DDB1: variants seen among roughly 807,000 people sequenced by gnomAD.
The protein encoded by DDB1 is DNA damage-binding protein 1.
Under a neutral mutation model 133.1 loss-of-function variants are expected in DDB1, and 18 were observed. That is an observed-to-expected ratio of 0.14 (90% CI 0.09 to 0.20). DDB1 has a LOEUF of 0.20. Among genes scored for constraint, DDB1 ranks in the 10% least tolerant of loss-of-function variants. DDB1 has a pLI of 1.00. For missense variants in DDB1, 828 were observed against 1,459.2 expected (o/e 0.57, Z 7.05); for synonymous variants, 580 against 550.5 (o/e 1.05, Z -0.75).
At chr11:61,322,710 G>C (rs573401343) in intron 8 of DDB1, 12 of 535,828 alleles carry the variant, frequency 2.2e-5, no homozygotes, top group Non-Finnish European at 3.0e-5. Flanking sequence ...GAGAAGGTCC[G>C]AAGTTTTCAT....
chr11:61,325,791 C>T (rs1246668771), intron 5 of DDB1, 83 bp from the exon 6 acceptor site: 2 of 1,075,614 alleles, frequency 1.9e-6, no homozygotes, highest in East Asian at 2.5e-5. Flanking sequence ...GTCTAGTTAG[C>T]CCCAAGGCAA....
chr11:61,313,668 G>A lies in DDB1; in HGVS notation c.1900C>T (p.Gln634Ter). 1.2e-6 allele frequency: 2 copies of A among 1,613,548 alleles called. No individual in the cohort carries two copies. Among genetic ancestry groups the A allele is most frequent in the Non-Finnish European group, 1.7e-6 (2 of 1,179,714 alleles). ...CGAAAAGTCCTCAATACGGTGGGCTGGGTGCCCAAAGTCACCTTCTTACGG... is the reference window on the plus strand; with the variant it reads ...CGAAAAGTCCTCAATACGGTGGGCTAGGTGCCCAAAGTCACCTTCTTACGG... ...SDRKKVTLGT[Q>*]PTVLRTFRSL... Residue 634 changes from glutamine (Q) to a stop codon, truncating the protein, a stop_gained, in exon 16 of 27, where the codon CAG becomes TAG. Coordinates refer to ENST00000301764, the MANE Select transcript of DDB1 (RefSeq NM_001923.5). LOFTEE classifies it high-confidence loss of function.
At chr11:61,304,096 C>A in intron 21 of DDB1, 61 bp from the exon 22 acceptor site, 5 of 1,591,906 alleles carry the variant, frequency 3.1e-6, no homozygotes, top group Non-Finnish European at 3.4e-6. Context: ...ATGACTCCCC[C>A]CAACTCTTCG....
At chr11:61,302,797 C>T in intron 23 of DDB1, 46 bp from the exon 24 acceptor site, 1 of 1,611,180 alleles carries the variant, frequency 6.2e-7, no homozygotes, top group Non-Finnish European at 8.5e-7. Flanking sequence ...CTGTTTCCAC[C>T]ACAGGCCCTG....
chr11:61,314,823 CTTTTTTTTT>C lies in DDB1; in HGVS notation c.1411-346_1411-338del, dbSNP rs549452269. 2.2e-3 allele frequency: 182 copies of C among 81,178 alleles called. 5 individuals carry two copies. The South Asian group carries it at 0.057, about 25-fold the overall frequency. 5.0% of individuals were successfully genotyped at this position (81,178 alleles called of 1,614,324 possible). Reference sequence around the variant, plus strand: ...GACCCTGTGACCACCAGTTTTTTGGCTTTTTTTTTTTTTTTTTTTTTTTTGGGACAGAGT... The same window carrying C: ...GACCCTGTGACCACCAGTTTTTTGGCTTTTTTTTTTTTTTTGGGACAGAGT... On this transcript the variant is annotated intron_variant, in intron 12 of 26. Coordinates refer to ENST00000301764, the MANE Select transcript of DDB1 (RefSeq NM_001923.5).
chr11:61,324,364 T>C (rs951821261), intron 6 of DDB1: 9 of 490,442 alleles, frequency 1.8e-5, no homozygotes, highest in Non-Finnish European at 2.9e-5. Context: ...ATATATCTTA[T>C]ATGTTTACTG....
chr11:61,300,178 G>A lies in DDB1; in HGVS notation c.3381C>T (p.Asp1127=), dbSNP rs766707297. 7 of 1,614,166 alleles carry A rather than the reference G, an allele frequency of 4.3e-6. No homozygotes were observed. The highest frequency in any genetic ancestry group is 3.4e-6 in the Non-Finnish European group (4 of 1,180,032). ...GSGMKREATA[D]DLIKVVEELT... is the part of the protein sequence containing the mutation. ...GCTCCTCCACAACCTTGATGAGGTC[G>A]TCTGCAGTGGCCTCTCGCTTCATAC... is the stretch of plus-strand genomic sequence containing the variant. The change falls in exon 27 of 27, where the codon GAC becomes GAT. Residue 1127 remains aspartate, a synonymous_variant. Transcript: ENST00000301764.
chr11:61,310,809 A>G (rs1855952956), intron 18 of DDB1: 1 of 161,198 alleles, frequency 6.2e-6, no homozygotes, highest in African/African-American at 2.4e-5. Context: ...AGATATGTGG[A>G]AACATGAAAG....
chr11:61,318,429 C>T (rs1856124795), intron 10 of DDB1, among the ~76,000 whole-genome samples: 1 of 152,070 alleles, frequency 6.6e-6, no homozygotes, highest in South Asian at 2.1e-4. Context: ...TTTCTCACAG[C>T]CCGACCAACA....
At chr11:61,328,607 T>G (rs796789608) in intron 4 of DDB1, among the ~76,000 whole-genome samples, 1 of 152,174 alleles carries the variant, frequency 6.6e-6, no homozygotes, top group South Asian at 2.1e-4. Context: ...GCACGGTGGC[T>G]CACGTCTGAA....
chr11:61,309,492 C>G (rs1855927468), intron 20 of DDB1, among the ~76,000 whole-genome samples: 1 of 152,160 alleles, frequency 6.6e-6, no homozygotes, highest in Non-Finnish European at 1.5e-5. Context: ...GAAAACAAAC[C>G]TAAGATTCTG....
At chr11:61,322,274 C>A (rs775544952) in intron 9 of DDB1, 22 bp downstream of exon 9, 1 of 1,582,008 alleles carries the variant, frequency 6.3e-7, no homozygotes, top group Non-Finnish European at 8.7e-7. Context: ...TACCAACTAT[C>A]CACTTTCAGA....
intron 10 of DDB1, among the ~76,000 whole-genome samples, chr11:61,317,707 C>T (rs1344079759): frequency 1.3e-5 from 2 of 152,072 alleles, no homozygotes; most frequent in African/African-American, 4.8e-5. Context: ...AGGATTTCAC[C>T]GTGTTAGCCA....
chr11:61,331,532 G>A lies in DDB1; in HGVS notation c.210+11C>T. The stretch of plus-strand genomic sequence containing the variant: ...TCCCCCTCCACTGCTTGTCCCAACT[G>A]CAACACTTACCTTGGGCCTGAAAAG... On this transcript the variant is annotated intron_variant, in intron 2 of 26. Coordinates refer to ENST00000301764, the MANE Select transcript of DDB1 (RefSeq NM_001923.5). 2.5e-6 allele frequency: 4 copies of A among 1,612,572 alleles called. No individual in the cohort carries two copies. Among genetic ancestry groups the A allele is most frequent in the Non-Finnish European group, 3.4e-6 (4 of 1,178,786 alleles).
chr11:61,304,890 A>G (rs1217192938), intron 21 of DDB1, among the ~76,000 whole-genome samples: 1 of 151,880 alleles, frequency 6.6e-6, no homozygotes, highest in African/African-American at 2.4e-5. Flanking sequence ...AAAAAAAAAA[A>G]AGGAAAAAAA....
chr11:61,328,557 G>C (rs904440185), intron 4 of DDB1, among the ~76,000 whole-genome samples: 2 of 152,130 alleles, frequency 1.3e-5, no homozygotes, highest in African/African-American at 4.8e-5. Context: ...TACAGTTTTA[G>C]GCAGACTAAA....
At chr11:61,311,477 C>T (rs752728783) in intron 18 of DDB1, 11 of 295,034 alleles carry the variant, frequency 3.7e-5, no homozygotes, top group African/African-American at 1.7e-4. Context: ...CCTGGAAGCC[C>T]GTTCTGTCGG....
chr11:61,302,872 A>C, intron 23 of DDB1, 121 bp from the exon 24 acceptor site: 1 of 1,368,488 alleles, frequency 7.3e-7, no homozygotes, highest in Non-Finnish European at 1.0e-6. Context: ...ACTCCACAGT[A>C]GGGGAGCCAG....
At chr11:61,326,509 C>G (rs985894255) in intron 5 of DDB1, among the ~76,000 whole-genome samples, 1 of 151,964 alleles carries the variant, frequency 6.6e-6, no homozygotes, top group Non-Finnish European at 1.5e-5. Flanking sequence ...TGCCACTGTG[C>G]AAATCAATCT....
Sources: gnomAD v4.1 joint callset for allele counts (sites outside exome capture counted in the v4.1 genomes callset) on GRCh38, gnomAD v4.1.1 for gene constraint, MANE v1.5 for transcripts, NCBI Gene and HGNC (gene_info 2026-07-23, HGNC 2026-07-21) for gene names.